Variants in ANO3 observed in about 807,000 individuals in gnomAD.
ANO3 encodes the protein anoctamin 3.
ANO3 carries 99 observed loss-of-function variants against 144.8 expected under a neutral mutation model. The observed-to-expected ratio is 0.68, with a 90% CI of 0.58 to 0.81. The LOEUF is 0.81. ANO3 is among the 30% of genes least tolerant of loss of function. The pLI, the probability that ANO3 is intolerant of heterozygous loss-of-function variation, is 0.00. For missense variants in ANO3, 905 were observed against 1,202.2 expected (o/e 0.75, Z 3.66); for synonymous variants, 414 against 392.6 (o/e 1.05, Z -0.64).
intron 1 of ANO3, among the ~76,000 whole-genome samples, chr11:26,249,791 AAGAAAGAAAG>A (rs1228878407): frequency 5.3e-5 from 8 of 152,172 alleles, no homozygotes; most frequent in African/African-American, 9.7e-5. Context: ...AAAAGAAAGA[AAGAAAGAAAG>A]AGAAAGAAAG....
chr11:26,255,419 C>T (rs1251244100), intron 1 of ANO3, among the ~76,000 whole-genome samples: 1 of 152,118 alleles, frequency 6.6e-6, no homozygotes, highest in African/African-American at 2.4e-5. Flanking sequence ...ATTAAATACA[C>T]ACTGTGTATG....
chr11:26,533,526 G>A (rs567865278), intron 8 of ANO3, among the ~76,000 whole-genome samples: 3 of 152,200 alleles, frequency 2.0e-5, no homozygotes, highest in South Asian at 4.2e-4. Flanking sequence ...AGCCTTGGAG[G>A]AAAATAAGAA....
intron 1 of ANO3, chr11:26,287,547 A>G (rs1200148307): frequency 6.6e-6 from 1 of 152,212 alleles, no homozygotes; most frequent in African/African-American, 2.4e-5. Context: ...CTTCACCAGT[A>G]TCCTGTTAAT....
Position 26,488,387 on chromosome 11 carries a change from C to T in ANO3, c.433-19717C>T, listed in dbSNP as rs150292395. Among the ~76,000 whole-genome samples, 3 of 152,286 alleles carry T rather than the reference C, an allele frequency of 2.0e-5. 1 individual carries two copies. In the East Asian group the frequency reaches 5.8e-4, roughly 29 times the overall value. Reference sequence around the variant, plus strand: ...CAGGCCATGTCAGAGACCTTCATGGCAGCCCCTCCCATTGTGTCCAGAATT... The same window carrying T: ...CAGGCCATGTCAGAGACCTTCATGGTAGCCCCTCCCATTGTGTCCAGAATT... On this transcript the variant is annotated intron_variant, in intron 4 of 26. Transcript: ENST00000256737.
chr11:26,395,711 A>T (rs10767524), intron 1 of ANO3, among the ~76,000 whole-genome samples: 40,196 of 151,868 alleles, frequency 0.26, 5,935 homozygotes, highest in African/African-American at 0.4. Context: ...ACCCTATTTA[A>T]TAAATGGTGT....
At chr11:26,277,240 TTG>T (rs1207226022) in intron 1 of ANO3, among the ~76,000 whole-genome samples, 10 of 152,166 alleles carry the variant, frequency 6.6e-5, no homozygotes, top group Admixed American at 5.9e-4. Flanking sequence ...AAGTAATGCA[TTG>T]TGTGTGTGTT....
intron 5 of ANO3, among the ~76,000 whole-genome samples, chr11:26,510,658 GTAACAAAC>G (rs928771095): frequency 4.2e-4 from 64 of 152,382 alleles, no homozygotes; most frequent in Admixed American, 3.9e-3. Context: ...TATAAGATAA[GTAACAAAC>G]TAACAAACTC....
At chr11:26,524,325 G>A (rs1410248415) in intron 6 of ANO3, among the ~76,000 whole-genome samples, 1 of 152,142 alleles carries the variant, frequency 6.6e-6, no homozygotes, top group Non-Finnish European at 1.5e-5. Context: ...AGTTAGTGTT[G>A]GAATATGGCA....
At chr11:26,242,648 T>C (rs578136179) in intron 1 of ANO3, among the ~76,000 whole-genome samples, 2 of 152,350 alleles carry the variant, frequency 1.3e-5, no homozygotes, top group South Asian at 4.1e-4. Context: ...AGTAAAGATA[T>C]TGGGCTTCAT....
intron 1 of ANO3, among the ~76,000 whole-genome samples, chr11:26,408,988 G>A (rs1358303218): frequency 6.6e-6 from 1 of 151,302 alleles, no homozygotes; most frequent in Non-Finnish European, 1.5e-5. Flanking sequence ...GGTGGGGGGA[G>A]TGGGGAGGGC....
At chr11:26,239,028 A>G (rs959874002) in intron 1 of ANO3, among the ~76,000 whole-genome samples, 2 of 139,068 alleles carry the variant, frequency 1.4e-5, no homozygotes, top group African/African-American at 4.9e-5. Context: ...ATGTAATCTA[A>G]ATATAAATAT....
rs1590478341 is a variant in ANO3 at position 26,534,555 on chromosome 11, A to G, written c.969A>G (p.Ser323=). 6.2e-7 allele frequency: 1 copy of G among 1,604,772 alleles called. No individual in the cohort carries two copies. Among genetic ancestry groups the G allele is most frequent in the Non-Finnish European group, 8.5e-7 (1 of 1,172,022 alleles). The change falls in exon 9 of 27, where the codon TCA becomes TCG. Residue 323 remains serine, a synonymous_variant. Coordinates refer to ENST00000256737, the MANE Select transcript of ANO3 (RefSeq NM_031418.4). ...GCACCAAATATGAAAATGGAATATC[A>G]AAAGTGGGTAAGAACATTAATTAAT... ...LERTKYENGI[S]KVGIRKLINN...
chr11:26,511,269 A>G (rs1027060753), intron 5 of ANO3, among the ~76,000 whole-genome samples: 1 of 152,204 alleles, frequency 6.6e-6, no homozygotes, highest in Admixed American at 6.5e-5. Flanking sequence ...AGTTTTCCAG[A>G]ACAGATATTA....
intron 18 of ANO3, among the ~76,000 whole-genome samples, chr11:26,628,975 T>C (rs1852681267): frequency 6.6e-6 from 1 of 152,114 alleles, no homozygotes; most frequent in African/African-American, 2.4e-5. Flanking sequence ...ACACAAGTGC[T>C]TATCCAGCTT....
At chr11:26,586,381 G>T (rs563749037) in intron 14 of ANO3, among the ~76,000 whole-genome samples, 1 of 137,540 alleles carries the variant, frequency 7.3e-6, no homozygotes, top group South Asian at 2.3e-4. Context: ...TTTTTGAGAC[G>T]GAGTCTCACT....
chr11:26,391,653 C>T (rs1322796287), intron 1 of ANO3, among the ~76,000 whole-genome samples: 1 of 152,062 alleles, frequency 6.6e-6, no homozygotes, highest in Non-Finnish European at 1.5e-5. Flanking sequence ...CTTCTGCAAT[C>T]TCTGTGGATC....
At chr11:26,332,090 C>T (rs1855059986), upstream of ANO3, 3 of 1,461,060 alleles carry the variant, frequency 2.1e-6, no homozygotes, top group Non-Finnish European at 2.7e-6. Flanking sequence ...GACCGCCCTC[C>T]CGCGTTCCCA....
intron 1 of ANO3, among the ~76,000 whole-genome samples, chr11:26,337,061 A>G (rs2133894574): frequency 6.6e-6 from 1 of 152,314 alleles, no homozygotes; most frequent in Non-Finnish European, 1.5e-5. Context: ...TTCCTTACAC[A>G]GAAGGTTTCC....
At chr11:26,604,810 T>A (rs1022368677) in intron 17 of ANO3, among the ~76,000 whole-genome samples, 3 of 152,180 alleles carry the variant, frequency 2.0e-5, no homozygotes, top group African/African-American at 4.8e-5. Flanking sequence ...TTAAGGAGTT[T>A]TGGGGCTGAG....
Sources: gnomAD v4.1 joint callset for allele counts (sites outside exome capture counted in the v4.1 genomes callset) on GRCh38, gnomAD v4.1.1 for gene constraint, MANE v1.5 for transcripts, NCBI Gene and HGNC (gene_info 2026-07-23, HGNC 2026-07-21) for gene names.